Variants in EDIL3 observed in about 807,000 individuals in gnomAD.
EDIL3 encodes EGF-like repeat and discoidin I-like domain-containing protein 3.
Under a neutral mutation model 67.4 loss-of-function variants are expected in EDIL3, and 37 were observed. The observed-to-expected ratio is 0.55, with a 90% CI of 0.42 to 0.72. The LOEUF (loss-of-function observed/expected upper bound fraction) is 0.72, where lower values mean the gene tolerates loss of function less well. Among genes scored for constraint, EDIL3 ranks in the 30% least tolerant of loss-of-function variants. EDIL3 has a pLI of 0.00. For synonymous variants in EDIL3, 195 were observed against 196.3 expected (o/e 0.99, Z 0.05); for missense variants, 527 against 586.3 (o/e 0.90, Z 1.04).
intron 1 of EDIL3, among the ~76,000 whole-genome samples, chr5:84,308,800 A>G (rs1251889872): frequency 6.6e-6 from 1 of 152,180 alleles, no homozygotes; most frequent in Non-Finnish European, 1.5e-5. Context: ...TACATATTTG[A>G]TTGTAATTTT....
chr5:84,003,880 A>T (rs147451038), intron 9 of EDIL3, among the ~76,000 whole-genome samples: 3 of 152,116 alleles, frequency 2.0e-5, no homozygotes, highest in African/African-American at 7.2e-5. Context: ...CAGAATGGCA[A>T]GTTGGATAAA....
At chr5:84,020,575 C>G (rs1338209357) in intron 9 of EDIL3, among the ~76,000 whole-genome samples, 1 of 151,830 alleles carries the variant, frequency 6.6e-6, no homozygotes, top group African/African-American at 2.4e-5. Flanking sequence ...GTGGTCACCT[C>G]TTTTTAAAGT....
At chr5:84,314,025 G>A (rs970379229) in intron 1 of EDIL3, among the ~76,000 whole-genome samples, 5 of 151,838 alleles carry the variant, frequency 3.3e-5, no homozygotes, top group African/African-American at 7.3e-5. Context: ...GCAAAACTCC[G>A]TCTCTACTAA....
chr5:84,085,050 T>C (rs1477193110), intron 6 of EDIL3, among the ~76,000 whole-genome samples: 1 of 152,200 alleles, frequency 6.6e-6, no homozygotes, highest in Non-Finnish European at 1.5e-5. Context: ...AAAAATCATA[T>C]GAGTCTTAGG....
intron 1 of EDIL3, among the ~76,000 whole-genome samples, chr5:84,372,403 T>C (rs1390459165): frequency 2.0e-5 from 3 of 152,158 alleles, no homozygotes; most frequent in African/African-American, 7.2e-5. Flanking sequence ...CTGGTAATAA[T>C]GTTAATTGTT....
In EDIL3 at chr5:83,950,697, T is replaced by C. The variant is rs577682757; in HGVS notation, c.1294-7129A>G. Among the ~76,000 whole-genome samples, 7 of 151,964 alleles carry C rather than the reference T, an allele frequency of 4.6e-5. No individual in the cohort carries two copies. The South Asian group carries it at 1.2e-3, about 27-fold the overall frequency. ...TGGATGATATTTATTCTCATGGGCATAAACCTAATAAGCATATCAAACAAC... is the reference window on the plus strand; with the variant it reads ...TGGATGATATTTATTCTCATGGGCACAAACCTAATAAGCATATCAAACAAC... On this transcript the variant is annotated intron_variant, in intron 10 of 10. Transcript: ENST00000296591.
rs1374023959 is a variant in EDIL3, at chr5:83,942,545, C to A, written c.*874G>T. 1.3e-5 allele frequency: 2 copies of A among 151,816 alleles called. No individual in the cohort carries two copies. Among genetic ancestry groups the A allele is most frequent in the Admixed American group, 6.6e-5 (1 of 15,224 alleles). The allele number at this position is 151,816 out of a possible 1,614,324, so 9.4% of individuals were successfully genotyped here. On this transcript the variant is annotated 3_prime_UTR_variant, in exon 11 of 11. Transcript: ENST00000296591. Reference sequence around the variant, plus strand: ...AAATGAAGATTTAAATTTAAAGAGACATATATATTTTTTGTTCTTTTGTGC... The same window carrying A: ...AAATGAAGATTTAAATTTAAAGAGAAATATATATTTTTTGTTCTTTTGTGC...
chr5:83,991,350 T>G (rs1204002605), intron 9 of EDIL3, among the ~76,000 whole-genome samples: 6 of 152,190 alleles, frequency 3.9e-5, no homozygotes, highest in Non-Finnish European at 8.8e-5. Flanking sequence ...AGTTAAATCT[T>G]TTTTAATTAG....
chr5:84,220,956 A>G (rs1316830888), intron 3 of EDIL3, among the ~76,000 whole-genome samples: 1 of 152,154 alleles, frequency 6.6e-6, no homozygotes, highest in East Asian at 1.9e-4. Flanking sequence ...GATAGAACAG[A>G]AATATTGGAA....
intron 9 of EDIL3, among the ~76,000 whole-genome samples, chr5:83,986,145 G>T (rs2112154132): frequency 6.6e-6 from 1 of 152,094 alleles, no homozygotes; most frequent in African/African-American, 2.4e-5. Context: ...AAATAAAAAG[G>T]ATATAATTAA....
intron 6 of EDIL3, among the ~76,000 whole-genome samples, chr5:84,103,195 T>A (rs1485437696): frequency 1.3e-5 from 2 of 152,126 alleles, no homozygotes; most frequent in Non-Finnish European, 2.9e-5. Flanking sequence ...GACCCTTTCC[T>A]TACACTATAT....
chr5:84,375,645 T>C (rs1423847187), intron 1 of EDIL3, among the ~76,000 whole-genome samples: 2 of 152,266 alleles, frequency 1.3e-5, no homozygotes, highest in East Asian at 3.9e-4. Flanking sequence ...ACACATCACA[T>C]TGAATAGCAA....
At chr5:84,111,642 T>C (rs1658687793) in intron 5 of EDIL3, among the ~76,000 whole-genome samples, 1 of 151,912 alleles carries the variant, frequency 6.6e-6, no homozygotes, top group Admixed American at 6.6e-5. Context: ...AACAAGAAAA[T>C]ACCATGAAGT....
intron 10 of EDIL3, among the ~76,000 whole-genome samples, chr5:83,950,386 G>A (rs1325138835): frequency 6.6e-6 from 1 of 151,770 alleles, no homozygotes; most frequent in Admixed American, 6.6e-5. Flanking sequence ...AGGGCTACAG[G>A]TTTCATCTAA....
intron 1 of EDIL3, among the ~76,000 whole-genome samples, chr5:84,353,376 G>A (rs1159150587): frequency 2.0e-5 from 3 of 152,116 alleles, no homozygotes; most frequent in African/African-American, 4.8e-5. Flanking sequence ...CATCGAATCC[G>A]TAACTTAAAC....
chr5:84,212,922 T>C (rs575207690), intron 3 of EDIL3, among the ~76,000 whole-genome samples: 1 of 151,838 alleles, frequency 6.6e-6, no homozygotes, highest in Non-Finnish European at 1.5e-5. Flanking sequence ...TTAATAGTTT[T>C]AACTCTTAAC....
chr5:84,334,409 A>G (rs1746944100), intron 1 of EDIL3, among the ~76,000 whole-genome samples: 1 of 152,130 alleles, frequency 6.6e-6, no homozygotes, highest in Non-Finnish European at 1.5e-5. Context: ...AACTGAAAAA[A>G]TGAAAAGTTT....
At chr5:84,270,783 T>C (rs935742364) in intron 1 of EDIL3, among the ~76,000 whole-genome samples, 1 of 152,212 alleles carries the variant, frequency 6.6e-6, no homozygotes, top group African/African-American at 2.4e-5. Context: ...AACTTTAATT[T>C]CTTATTCTCC....
At chr5:84,059,793 C>T (rs1229356524) in intron 9 of EDIL3, among the ~76,000 whole-genome samples, 1 of 152,164 alleles carries the variant, frequency 6.6e-6, no homozygotes, top group Non-Finnish European at 1.5e-5. Context: ...ATGATAAACT[C>T]TGCAGTATCT....
Sources: allele counts gnomAD v4.1 joint callset (sites outside exome capture counted in the v4.1 genomes callset), GRCh38; gene constraint gnomAD v4.1.1; transcripts MANE v1.5; gene names NCBI Gene and HGNC (gene_info 2026-07-23, HGNC 2026-07-21).